CWF19L2: variants seen among roughly 807,000 people sequenced by gnomAD.
CWF19L2 encodes CWF19 like cell cycle control factor 2, also known as CWF19-like protein 2.
Under a neutral mutation model 111.7 loss-of-function variants are expected in CWF19L2, and 98 were observed. The ratio of observed to expected loss-of-function variants is 0.88; its 90% confidence interval spans 0.75 to 1.04. The LOEUF (loss-of-function observed/expected upper bound fraction) is 1.04, where lower values mean the gene tolerates loss of function less well. Ranked by LOEUF, CWF19L2 falls within the 50% of genes least tolerant of loss-of-function variation. CWF19L2 has a pLI of 0.00. For missense variants in CWF19L2, 1,101 were observed against 1,051.4 expected, an observed-to-expected ratio of 1.05 and a Z score of -0.65; for synonymous variants, 351 against 342.9, an observed-to-expected ratio of 1.02 and a Z score of -0.26.
intron 12 of CWF19L2, among the ~76,000 whole-genome samples, chr11:107,364,972 TA>T (rs1191637387): frequency 2.8e-5 from 3 of 107,418 alleles, no homozygotes; most frequent in Non-Finnish European, 5.5e-5. Flanking sequence ...ATAGACGCAA[TA>T]AAAAATGATA....
intron 3 of CWF19L2, among the ~76,000 whole-genome samples, chr11:107,446,746 C>T (rs1013810878): frequency 3.3e-5 from 5 of 152,188 alleles, no homozygotes; most frequent in Non-Finnish European, 5.9e-5. Context: ...TTTTTCTACT[C>T]TTTCAATAGC....
At chr11:107,362,003 C>A (rs142656674) in intron 12 of CWF19L2, among the ~76,000 whole-genome samples, 1 of 152,162 alleles carries the variant, frequency 6.6e-6, no homozygotes, top group East Asian at 1.9e-4. Context: ...GAGGCATTGC[C>A]GCACTTGGGA....
chr11:107,418,357 A>G, intron 8 of CWF19L2, 70 bp from the exon 9 acceptor site: 1 of 980,512 alleles, frequency 1.0e-6, no homozygotes. Flanking sequence ...TCAAGACTCA[A>G]ATGTTATTTT....
intron 12 of CWF19L2, among the ~76,000 whole-genome samples, chr11:107,361,186 C>G (rs1294905923): frequency 6.6e-6 from 1 of 152,210 alleles, no homozygotes; most frequent in East Asian, 1.9e-4. Context: ...AACCAATTTT[C>G]CCAGCACCAT....
Position 107,390,171 on chromosome 11 carries a change from T to A in CWF19L2, c.1775A>T (p.His592Leu). 6.2e-7 allele frequency: 1 copy of A among 1,611,010 alleles called. No homozygotes were observed. Among genetic ancestry groups the A allele is most frequent in the Non-Finnish European group, 8.5e-7 (1 of 1,177,968 alleles). ...ATTTAGGCTTAGATTATCATCATCA[T>A]GAAAGTATCTGACCCTTTCTCTTTC... ...HEERERVRYF[H>L]DDDNLSLNDL... Residue 592 changes from histidine (H) to leucine (L), a missense_variant, in exon 12 of 18, where the codon CAT becomes CTT. Physicochemically the swap from His to Leu is moderately conservative, Grantham distance 99. Coordinates refer to ENST00000282251, the MANE Select transcript of CWF19L2 (RefSeq NM_152434.3).
chr11:107,441,505 G>A lies in CWF19L2; in HGVS notation c.568C>T (p.Gln190Ter), dbSNP rs138500128. ...IEQEKNQALE[Q>*]SKLMERELNP... ...AAGCATTTCAAATATTCTCTTACCT[G>A]TTCAAGCGCTTGGTTTTTCTCTTGC... The change falls in exon 5 of 18, where the codon CAG becomes TAG. Residue 190 changes from glutamine (Q) to a stop codon, truncating the protein, a stop_gained and splice_region_variant. Coordinates refer to ENST00000282251, the MANE Select transcript of CWF19L2 (RefSeq NM_152434.3). LOFTEE classifies it high-confidence loss of function. 5.2e-6 allele frequency: 8 copies of A among 1,532,296 alleles called. No homozygotes were observed. The highest frequency in any genetic ancestry group is 7.0e-6 in the Non-Finnish European group (8 of 1,140,820). The allele number at this position is 1,532,296 out of a possible 1,614,324, so 94.9% of individuals were successfully genotyped here.
rs1431609553 is a variant in CWF19L2, at chr11:107,455,826, T to C, written c.106-50A>G. 10 of 1,165,862 alleles carry C rather than the reference T, an allele frequency of 8.6e-6. No individual in the cohort carries two copies. In the Admixed American group the frequency reaches 2.0e-4, roughly 23 times the overall value. The allele number at this position is 1,165,862 out of a possible 1,614,324, so 72.2% of individuals were successfully genotyped here. A position where few individuals can be genotyped will look rare whatever the true frequency, so the allele number is the denominator to read the frequency against. On this transcript the variant is annotated intron_variant, in intron 1 of 17. Coordinates refer to ENST00000282251, the MANE Select transcript of CWF19L2 (RefSeq NM_152434.3). ...CAAACTGGCAATTGACCCAACTGGG[T>C]TTCACAAAAAAAGGAAAACAAAAAC...
intron 10 of CWF19L2, among the ~76,000 whole-genome samples, chr11:107,399,152 G>T (rs1374957881): frequency 6.6e-6 from 1 of 151,946 alleles, no homozygotes; most frequent in Non-Finnish European, 1.5e-5. Context: ...AAGTTAAAAG[G>T]CAAAAACAAA....
chr11:107,360,257 C>T (rs1860305220), intron 12 of CWF19L2, among the ~76,000 whole-genome samples: 1 of 152,088 alleles, frequency 6.6e-6, no homozygotes, highest in South Asian at 2.1e-4. Flanking sequence ...TAATGACTTC[C>T]AGATTCATTT....
At chr11:107,395,212 A>C (rs948356042) in intron 10 of CWF19L2, among the ~76,000 whole-genome samples, 1 of 152,136 alleles carries the variant, frequency 6.6e-6, no homozygotes, top group Non-Finnish European at 1.5e-5. Flanking sequence ...GACAGTTTTA[A>C]AAACGGGAAT....
In CWF19L2 at chr11:107,370,989, C is replaced by T. The variant is rs913472497; in HGVS notation, c.1873-17253G>A. ...CTTTTTCGAGAAAACTGCTATTTCA[C>T]GATGTTAAGATTTCTAGTTTCTCTT... On this transcript the variant is annotated intron_variant, in intron 12 of 17. Transcript: ENST00000282251. Among the ~76,000 whole-genome samples, 3 of 131,318 alleles carry T rather than the reference C, an allele frequency of 2.3e-5. 1 individual carries two copies. The highest frequency in any genetic ancestry group is 4.8e-5 in the Non-Finnish European group (3 of 62,746). 86.1% of individuals were successfully genotyped at this position (131,318 alleles called of 152,430 possible).
intron 12 of CWF19L2, among the ~76,000 whole-genome samples, chr11:107,362,976 A>C (rs1860379385): frequency 6.6e-6 from 1 of 152,022 alleles, no homozygotes; most frequent in Non-Finnish European, 1.5e-5. Flanking sequence ...AGAAGTGCTT[A>C]AAGGAGCTGA....
At chr11:107,391,257 C>A (rs2134595267) in intron 11 of CWF19L2, among the ~76,000 whole-genome samples, 1 of 152,286 alleles carries the variant, frequency 6.6e-6, no homozygotes, top group Middle Eastern at 3.4e-3. Context: ...TTAATTCTGT[C>A]CCTCTAGGGA....
At chr11:107,422,260 T>A (rs1448722576) in intron 8 of CWF19L2, among the ~76,000 whole-genome samples, 1 of 151,996 alleles carries the variant, frequency 6.6e-6, no homozygotes, top group Non-Finnish European at 1.5e-5. Flanking sequence ...AGCATTCATG[T>A]GATGTAAAAA....
At chr11:107,391,406 A>G (rs1860845408) in intron 11 of CWF19L2, among the ~76,000 whole-genome samples, 1 of 152,214 alleles carries the variant, frequency 6.6e-6, no homozygotes, top group Admixed American at 6.5e-5. Flanking sequence ...CTGCCATTCC[A>G]AGTCCTAATC....
chr11:107,433,367 G>A (rs746298510), intron 7 of CWF19L2, among the ~76,000 whole-genome samples: 2 of 151,796 alleles, frequency 1.3e-5, no homozygotes, highest in Non-Finnish European at 2.9e-5. Flanking sequence ...CAGACTTTCC[G>A]GCATTGTTTA....
chr11:107,444,241 T>A (rs1861671911), intron 3 of CWF19L2, among the ~76,000 whole-genome samples: 1 of 152,026 alleles, frequency 6.6e-6, no homozygotes, highest in Non-Finnish European at 1.5e-5. Flanking sequence ...CACTCTCACT[T>A]TCATACATTT....
chr11:107,387,707 A>T (rs1412911710), intron 12 of CWF19L2, among the ~76,000 whole-genome samples: 1 of 152,136 alleles, frequency 6.6e-6, no homozygotes, highest in Non-Finnish European at 1.5e-5. Flanking sequence ...GGGGGTGTGT[A>T]ACCTAGATCC....
intron 7 of CWF19L2, among the ~76,000 whole-genome samples, chr11:107,430,213 A>G (rs1340342954): frequency 6.6e-6 from 1 of 151,920 alleles, no homozygotes; most frequent in African/African-American, 2.4e-5. Flanking sequence ...ACTCAAGGAA[A>G]AAAAAAAAAA....
Sources: gnomAD v4.1 joint callset for allele counts (sites outside exome capture counted in the v4.1 genomes callset) on GRCh38, gnomAD v4.1.1 for gene constraint, MANE v1.5 for transcripts, NCBI Gene and HGNC (gene_info 2026-07-23, HGNC 2026-07-21) for gene names.